The following KAT7 variants were observed in gnomAD, a reference collection of about 807,000 sequenced individuals.
KAT7 encodes lysine acetyltransferase 7, also known as histone acetyltransferase KAT7.
In KAT7, 10 loss-of-function variants were observed where a neutral mutation model predicts 82.1. The observed-to-expected ratio is 0.12, with a 90% CI of 0.08 to 0.21. KAT7 has a LOEUF of 0.21. KAT7 is among the 10% of genes least tolerant of loss of function. KAT7 has a pLI of 1.00. For missense variants in KAT7, 378 were observed against 760.9 expected (o/e 0.50, Z 5.92); for synonymous variants, 250 against 262.5 (o/e 0.95, Z 0.46).
Position 49,796,760 on chromosome 17 carries a change from T to C in KAT7, c.174T>C (p.Pro58=). ...RLSQSSQDSS[P]VRNLQSFGTE... Reference sequence around the variant, plus strand: ...TAAAATTGGGATCAGATTCCAGTCCTGTTCGAAATCTGCAGTCTTTTGGCA... The same window carrying C: ...TAAAATTGGGATCAGATTCCAGTCCCGTTCGAAATCTGCAGTCTTTTGGCA... The change falls in exon 3 of 15, where the codon CCT becomes CCC. Residue 58 remains proline (P), a synonymous_variant. Transcript: ENST00000259021. 6.2e-7 allele frequency: 1 copy of C among 1,606,508 alleles called. No individual in the cohort carries two copies. Among genetic ancestry groups the C allele is most frequent in the Non-Finnish European group, 8.5e-7 (1 of 1,175,434 alleles).
intron 2 of KAT7, among the ~76,000 whole-genome samples, chr17:49,793,678 A>G (rs1234806578): frequency 6.6e-6 from 1 of 151,592 alleles, no homozygotes; most frequent in Non-Finnish European, 1.5e-5. Context: ...GGTTCAAGCA[A>G]TTCTCCTGCC....
At chr17:49,798,205 A>G (rs1301580972) in intron 3 of KAT7, 114 bp from the exon 4 acceptor site, 1 of 932,198 alleles carries the variant, frequency 1.1e-6, no homozygotes, top group African/African-American at 1.7e-5. Flanking sequence ...TGAATAGCTG[A>G]AAGTTACTGG....
intron 1 of KAT7, chr17:49,789,347 GGTTTTGGAGGCCTC>G (rs2073853402): frequency 6.5e-6 from 1 of 153,618 alleles, no homozygotes; most frequent in Non-Finnish European, 1.5e-5. Flanking sequence ...GCAGAGGCGG[GGTTTTGGAGGCCTC>G]GTTACCTTCC....
intron 2 of KAT7, among the ~76,000 whole-genome samples, chr17:49,794,661 G>A (rs2073932603): frequency 1.3e-5 from 2 of 152,242 alleles, no homozygotes; most frequent in African/African-American, 4.8e-5. Context: ...CTCGGCAGAT[G>A]GAACAGCATA....
intron 4 of KAT7, among the ~76,000 whole-genome samples, chr17:49,803,978 TG>T (rs1484996930): frequency 1.1e-4 from 17 of 152,208 alleles, no homozygotes; most frequent in Admixed American, 2.6e-4. Context: ...CATTGTCCTA[TG>T]ACCCCTTTCA....
In KAT7 at chr17:49,809,167, C is replaced by T. The variant is rs377599635; in HGVS notation, c.712C>T (p.His238Tyr). The T allele has an allele frequency of 2.6e-5, 42 of 1,613,986 alleles. No homozygotes were observed. Among genetic ancestry groups the T allele is most frequent in the Non-Finnish European group, 3.1e-5 (37 of 1,179,992 alleles). Residue 238 changes from histidine to tyrosine, a missense_variant, in exon 6 of 15, where the codon CAC (histidine) becomes TAC (tyrosine). This residue lies in a region of KAT7 where 102 missense variants were observed against 129.8 expected (regional missense o/e 0.79). Coordinates refer to ENST00000259021, the MANE Select transcript of KAT7 (RefSeq NM_007067.5). ...GCAGATAGAAGAAAGGATGCTGTCT[C>T]ACAGGCAAGATGACAACAACAGGCA... ...DKQIEERMLS[H>Y]RQDDNNRHAT...
At chr17:49,818,353 C>G (rs1160633718) in intron 9 of KAT7, among the ~76,000 whole-genome samples, 1 of 152,196 alleles carries the variant, frequency 6.6e-6, no homozygotes. Context: ...GATGAAAATA[C>G]AGACTTCATT....
At position 49,788,741 on chromosome 17, in the gene KAT7, T is replaced by C. The variant is rs886661718; in HGVS notation, c.-94T>C. The stretch of plus-strand genomic sequence containing the variant: ...TAGGGATCGTCCGCAGGATTGGGAC[T>C]GATACAGAGGCCGCCACGGAGCCCG... On this transcript the variant is annotated 5_prime_UTR_variant, in exon 1 of 15. Transcript: ENST00000259021. 63 of 1,397,650 alleles carry C rather than the reference T, an allele frequency of 4.5e-5. No homozygotes were observed. In the Admixed American group the frequency reaches 1.3e-3, roughly 29 times the overall value. The allele number at this position is 1,397,650 out of a possible 1,614,324, so 86.6% of individuals were successfully genotyped here. A position where few individuals can be genotyped will look rare whatever the true frequency, so the allele number is the denominator to read the frequency against.
intron 14 of KAT7, chr17:49,827,106 A>G: frequency 2.2e-6 from 1 of 462,230 alleles, no homozygotes; most frequent in Non-Finnish European, 3.8e-6. Flanking sequence ...GCCCATCTGT[A>G]GAGGAATCTT....
chr17:49,811,450 C>T (rs758659515), intron 6 of KAT7, 26 bp from the exon 7 acceptor site: 7 of 1,200,030 alleles, frequency 5.8e-6, no homozygotes, highest in South Asian at 5.8e-5. Context: ...GGAGTTTTCT[C>T]TCAGTTTTCT....
chr17:49,831,463 G>A lies in KAT7; in HGVS notation c.*3961G>A, dbSNP rs991693488. The A allele has an allele frequency of 6.6e-6, 1 of 152,140 alleles. No homozygotes were observed. Among genetic ancestry groups the A allele is most frequent in the African/African-American group, 2.4e-5 (1 of 41,396 alleles). 9.4% of individuals were successfully genotyped at this position (152,140 alleles called of 1,614,324 possible). On this transcript the variant is annotated 3_prime_UTR_variant, in exon 15 of 15. Coordinates refer to ENST00000259021, the MANE Select transcript of KAT7 (RefSeq NM_007067.5). ...TTTCTTCATTCCTCACCACAGCACA[G>A]TAAGGTGGATATTATAGTCTTCTTC...
intron 9 of KAT7, among the ~76,000 whole-genome samples, chr17:49,818,473 A>G (rs1334998079): frequency 6.6e-6 from 1 of 152,232 alleles, no homozygotes; most frequent in Non-Finnish European, 1.5e-5. Context: ...TTTAATAGTG[A>G]TCAGCCTGTG....
chr17:49,796,956 T>A, intron 3 of KAT7, 30 bp downstream of exon 3: 10 of 1,593,514 alleles, frequency 6.3e-6, no homozygotes, highest in Non-Finnish European at 8.6e-6. Context: ...CTTAGACCTA[T>A]TACAGAGCAT....
Position 49,803,890 on chromosome 17 carries a change from C to CTTT in KAT7, c.581-1459_581-1457dup, listed in dbSNP as rs750265866. Among the ~76,000 whole-genome samples the CTTT allele has an allele frequency of 6.3e-3, 847 of 134,702 alleles. 4 individuals carry two copies. Among genetic ancestry groups the CTTT allele is most frequent in the Non-Finnish European group, 9.8e-3 (606 of 61,552 alleles). The allele number at this position is 134,702 out of a possible 152,430, so 88.4% of individuals were successfully genotyped here. ...TTCTTCTTTACCCCAAATTAAATGT[C>CTTT]TTTTTTTTTTTTTTTTATGAAAGAT... On this transcript the variant is annotated intron_variant, in intron 4 of 14. Coordinates refer to ENST00000259021, the MANE Select transcript of KAT7 (RefSeq NM_007067.5).
At chr17:49,807,953 G>A (rs547342744) in intron 5 of KAT7, among the ~76,000 whole-genome samples, 1 of 152,154 alleles carries the variant, frequency 6.6e-6, no homozygotes, top group African/African-American at 2.4e-5. Flanking sequence ...AATGCCAGTC[G>A]TTCTGTTTTG....
chr17:49,790,439 C>T (rs2073871905), intron 1 of KAT7, among the ~76,000 whole-genome samples: 3 of 152,182 alleles, frequency 2.0e-5, no homozygotes, highest in Non-Finnish European at 2.9e-5. Flanking sequence ...TCAGGTGATC[C>T]ACCCGCCTCG....
intron 6 of KAT7, among the ~76,000 whole-genome samples, chr17:49,811,017 T>A (rs978605707): frequency 1.1e-4 from 17 of 152,080 alleles, no homozygotes; most frequent in African/African-American, 4.1e-4. Flanking sequence ...TACAAATGAA[T>A]AAAATAAAAT....
Position 49,818,156 on chromosome 17 carries a change from C to G in KAT7, c.1155+145C>G, listed in dbSNP as rs114180924. 41 of 652,644 alleles carry G rather than the reference C, an allele frequency of 6.3e-5. No homozygotes were observed. The African/African-American group carries it at 7.1e-4, about 11-fold the overall frequency. 40.4% of individuals were successfully genotyped at this position (652,644 alleles called of 1,614,324 possible). A position where few individuals can be genotyped will look rare whatever the true frequency, so the allele number is the denominator to read the frequency against. ...TGAAGGCATAGGAAATGACAGGCCA[C>G]AGCTTAAGGCGGGGTATAGAGCCTG... is the stretch of plus-strand genomic sequence containing the variant. On this transcript the variant is annotated intron_variant, in intron 9 of 14. Transcript: ENST00000259021.
chr17:49,826,246 A>G, intron 13 of KAT7, 100 bp downstream of exon 13: 4 of 1,207,906 alleles, frequency 3.3e-6, no homozygotes, highest in East Asian at 2.4e-5. Flanking sequence ...GGCCCACTGA[A>G]TATGGACCAC....
Sources: gnomAD v4.1 joint callset for allele counts (sites outside exome capture counted in the v4.1 genomes callset) on GRCh38, gnomAD v4.1.1 for gene constraint, gnomAD v4.1.1 regional missense constraint, MANE v1.5 for transcripts, NCBI Gene and HGNC (gene_info 2026-07-23, HGNC 2026-07-21) for gene names.